Variants in SMIM5 observed in about 807,000 individuals in gnomAD.
SMIM5 encodes small integral membrane protein 5, also known as chromosome 17 open reading frame 109.
A neutral mutation model predicts 4.0 loss-of-function variants in SMIM5; 4 were observed. The observed-to-expected ratio is 1.01, with a 90% CI of 0.50 to 2.30. The LOEUF is 2.30. Among genes scored for constraint, SMIM5 ranks in the 30% most tolerant of loss-of-function variants. SMIM5 has a pLI of 0.02. For missense variants in SMIM5, 107 were observed against 99.2 expected (o/e 1.08, Z -0.34); for synonymous variants, 46 against 43.6 (o/e 1.05, Z -0.22).
At position 75,633,819 on chromosome 17, in the gene SMIM5, T is replaced by C; in HGVS notation, c.-420T>C. 4.0e-6 allele frequency: 4 copies of C among 1,005,764 alleles called. No homozygotes were observed. Among genetic ancestry groups the C allele is most frequent in the Non-Finnish European group, 4.8e-6 (4 of 840,800 alleles). The allele number at this position is 1,005,764 out of a possible 1,614,324, so 62.3% of individuals were successfully genotyped here. Reference sequence around the variant, plus strand: ...CCAGGAAGGCAGAGAGCCGACTTCTTTCTTCAGCTCCCAACCCAGGCCCAG... The same window carrying C: ...CCAGGAAGGCAGAGAGCCGACTTCTCTCTTCAGCTCCCAACCCAGGCCCAG... On this transcript the variant is annotated 5_prime_UTR_variant, in exon 1 of 3. Transcript: ENST00000375215.
rs1344046015 is a variant in SMIM5, at chr17:75,640,243, C to T, written c.42C>T (p.Gly14=). Residue 14 remains glycine, a synonymous_variant, in exon 2 of 3, where the codon GGC becomes GGT. Transcript: ENST00000375215. This position sits in a 1 kb window ranked among gnomAD's most constrained non-coding sequence, Gnocchi z 4.6. The stretch of plus-strand genomic sequence containing the variant: ...TCGTGCAGGAGATGCGCGCCGTGGG[C>T]GAGAGGCTGCTGCTCAAGCTGCAGA... ...TDFVQEMRAV[G]ERLLLKLQRL... is the part of the protein sequence containing the mutation. 38 of 1,551,190 alleles carry T rather than the reference C, an allele frequency of 2.4e-5. No homozygotes were observed. Among genetic ancestry groups the T allele is most frequent in the Non-Finnish European group, 3.0e-5 (34 of 1,146,830 alleles).
Position 75,640,801 on chromosome 17 carries a change from G to T in SMIM5, c.138G>T (p.Leu46=). 1 of 1,550,290 alleles carries T rather than the reference G, an allele frequency of 6.5e-7. No individual in the cohort carries two copies. ...CTCCCGGCCCTCCAGCTACTGTTCT[G>T]CTGTTGCTGCTGATAGCCTGCAGCT... ...SVIILFTATV[L]LLLLIACSCC... Residue 46 remains leucine (L), a synonymous_variant, in exon 3 of 3, where the codon CTG becomes CTT. Transcript: ENST00000375215. This position sits in a 1 kb window ranked among gnomAD's most constrained non-coding sequence, Gnocchi z 4.6.
Position 75,640,302 on chromosome 17 carries a change from C to A in SMIM5, c.101C>A (p.Ala34Asp), listed in dbSNP as rs1243866724. Residue 34 changes from alanine (A) to aspartate (D), a missense_variant, in exon 2 of 3, where the codon GCC becomes GAC. Transcript: ENST00000375215. The surrounding 1 kb of genome is among the most constrained non-coding windows in gnomAD (Gnocchi z 4.6). Reference protein sequence around the residue: ...LPQAEPVEIVAFSVIILFTAT... With the variant: ...LPQAEPVEIVDFSVIILFTAT... ...CAGGCTGAGCCCGTGGAGATCGTGG[C>A]CTTCTCAGTCATCATCCTTTTCACA... 1.3e-6 allele frequency: 2 copies of A among 1,550,144 alleles called. No individual in the cohort carries two copies. The highest frequency in any genetic ancestry group is 1.7e-6 in the Non-Finnish European group (2 of 1,146,362).
chr17:75,640,020 C>T lies in SMIM5; in HGVS notation c.-36-146C>T, dbSNP rs1246482749. 3.7e-6 allele frequency: 3 copies of T among 813,890 alleles called. No individual in the cohort carries two copies. Among genetic ancestry groups the T allele is most frequent in the Non-Finnish European group, 5.5e-6 (3 of 545,286 alleles). 50.4% of individuals were successfully genotyped at this position (813,890 alleles called of 1,614,324 possible). ...GCTGGGTGGGGACTGAGGGCCACCA[C>T]TAGGTGGAAGTCACCAGGGGTGCAA... On this transcript the variant is annotated intron_variant, in intron 1 of 2. Coordinates refer to ENST00000375215, the MANE Select transcript of SMIM5 (RefSeq NM_001162995.3). This position sits in a 1 kb window ranked among gnomAD's most constrained non-coding sequence, Gnocchi z 4.6.
At chr17:75,634,576 T>G (rs1157169509) in intron 1 of SMIM5, among the ~76,000 whole-genome samples, 1 of 152,120 alleles carries the variant, frequency 6.6e-6, no homozygotes, top group Non-Finnish European at 1.5e-5. Flanking sequence ...GAGCCTCCCT[T>G]TTTCCCAGGA....
rs2059427285 is a variant in SMIM5, at chr17:75,641,038, A to G, written c.*141A>G. On this transcript the variant is annotated 3_prime_UTR_variant, in exon 3 of 3. Transcript: ENST00000375215. ...TCTGGCCCAGCCCAGGTACCTGGAC[A>G]CTGACAACTTGAGCCCTACCAAGGA... 4.3e-6 allele frequency: 6 copies of G among 1,405,140 alleles called. No homozygotes were observed. In the African/African-American group the frequency reaches 5.7e-5, roughly 13 times the overall value. 87.0% of individuals were successfully genotyped at this position (1,405,140 alleles called of 1,614,324 possible). A position where few individuals can be genotyped will look rare whatever the true frequency, so the allele number is the denominator to read the frequency against.
In SMIM5 at chr17:75,640,301, G is replaced by A. The variant is rs746869908; in HGVS notation, c.100G>A (p.Ala34Thr). 1.7e-5 allele frequency: 27 copies of A among 1,550,776 alleles called. No individual in the cohort carries two copies. Among genetic ancestry groups the A allele is most frequent in the Non-Finnish European group, 2.3e-5 (26 of 1,146,632 alleles). Reference sequence around the variant, plus strand: ...CCAGGCTGAGCCCGTGGAGATCGTGGCCTTCTCAGTCATCATCCTTTTCAC... The same window carrying A: ...CCAGGCTGAGCCCGTGGAGATCGTGACCTTCTCAGTCATCATCCTTTTCAC... ...LPQAEPVEIV[A>T]FSVIILFTAT... The change falls in exon 2 of 3, where the codon GCC becomes ACC. Residue 34 changes from alanine (A) to threonine (T), a missense_variant. Transcript: ENST00000375215. This position sits in a 1 kb window ranked among gnomAD's most constrained non-coding sequence, Gnocchi z 4.6.
intron 1 of SMIM5, chr17:75,635,736 A>G (rs2059309046): frequency 1.0e-6 from 1 of 953,902 alleles, no homozygotes; most frequent in Admixed American, 6.2e-5. Flanking sequence ...AAGGGTGACT[A>G]AAACCCACCA....
At chr17:75,639,892 C>T (rs912748469) in intron 1 of SMIM5, 28 of 303,252 alleles carry the variant, frequency 9.2e-5, no homozygotes, top group Admixed American at 4.8e-4. Context: ...AATGGAACAG[C>T]GAAGCCAGAA....
intron 1 of SMIM5, chr17:75,637,400 A>C (rs2059344849): frequency 6.6e-6 from 1 of 152,410 alleles, no homozygotes; most frequent in Non-Finnish European, 1.5e-5. Flanking sequence ...AACCACGCGC[A>C]AACTGTCCCG....
Position 75,633,876 on chromosome 17 carries a change from G to A in SMIM5, c.-363G>A, listed in dbSNP as rs1227439483. The A allele has an allele frequency of 2.0e-6, 2 of 993,182 alleles. No individual in the cohort carries two copies. The highest frequency in any genetic ancestry group is 2.4e-6 in the Non-Finnish European group (2 of 834,040). 61.5% of individuals were successfully genotyped at this position (993,182 alleles called of 1,614,324 possible). A position where few individuals can be genotyped will look rare whatever the true frequency, so the allele number is the denominator to read the frequency against. On this transcript the variant is annotated 5_prime_UTR_variant, in exon 1 of 3. Coordinates refer to ENST00000375215, the MANE Select transcript of SMIM5 (RefSeq NM_001162995.3). The stretch of plus-strand genomic sequence containing the variant: ...GCGTGGGAGTCGGGGAGAGGGAGAG[G>A]AGGAGGAAGGAGGAGGAGAGAGGGA...
chr17:75,640,294 G>C lies in SMIM5; in HGVS notation c.93G>C (p.Glu31Asp), dbSNP rs2059411259. 1 of 1,551,128 alleles carries C rather than the reference G, an allele frequency of 6.4e-7. No homozygotes were observed. Among genetic ancestry groups the C allele is most frequent in the Non-Finnish European group, 8.7e-7 (1 of 1,146,708 alleles). ...LQRLPQAEPV[E>D]IVAFSVIILF... ...GACTGCCCCAGGCTGAGCCCGTGGA[G>C]ATCGTGGCCTTCTCAGTCATCATCC... The change falls in exon 2 of 3, where the codon GAG becomes GAC. Residue 31 changes from glutamate (E) to aspartate (D), a missense_variant. Coordinates refer to ENST00000375215, the MANE Select transcript of SMIM5 (RefSeq NM_001162995.3). The surrounding 1 kb of genome is among the most constrained non-coding windows in gnomAD (Gnocchi z 4.6).
rs1411357556 is a variant in SMIM5 at position 75,641,235 on chromosome 17, T to A, written c.*338T>A. ...ACCTTGATGGAGAACAGTCCCCACC[T>A]GTGGGCAATTGGCCCTTGGGGCTCT... is the stretch of plus-strand genomic sequence containing the variant. On this transcript the variant is annotated 3_prime_UTR_variant, in exon 3 of 3. Coordinates refer to ENST00000375215, the MANE Select transcript of SMIM5 (RefSeq NM_001162995.3). The A allele has an allele frequency of 8.3e-6, 2 of 242,080 alleles. No homozygotes were observed. Among genetic ancestry groups the A allele is most frequent in the Non-Finnish European group, 1.7e-5 (2 of 119,668 alleles). 15.0% of individuals were successfully genotyped at this position (242,080 alleles called of 1,614,324 possible).
chr17:75,637,065 C>G (rs892415994), intron 1 of SMIM5: 1 of 152,308 alleles, frequency 6.6e-6, no homozygotes, highest in African/African-American at 2.4e-5. Context: ...CACTTTGCAG[C>G]CCCTGGAGGA....
In SMIM5 at chr17:75,640,345, A is replaced by G. The variant is rs1162858460; in HGVS notation, c.127+17A>G. 6 of 1,535,486 alleles carry G rather than the reference A, an allele frequency of 3.9e-6. No homozygotes were observed. The highest frequency in any genetic ancestry group is 2.5e-5 in the East Asian group (1 of 40,626). ...TTTTCACAGGTTAGTTGGGGCACTC[A>G]GCACCCCATGGCTCTCCCTGGCATC... On this transcript the variant is annotated intron_variant, in intron 2 of 2. Transcript: ENST00000375215. The surrounding 1 kb of genome is among the most constrained non-coding windows in gnomAD (Gnocchi z 4.6).
At chr17:75,634,303 G>C (rs369264874) in intron 1 of SMIM5, 101 bp downstream of exon 1, 2 of 970,838 alleles carry the variant, frequency 2.1e-6, no homozygotes, top group Non-Finnish European at 1.2e-6. Context: ...AACACGGAGA[G>C]GTCTTCGGGG....
At position 75,640,080 on chromosome 17, in the gene SMIM5, C is replaced by T. The variant is rs1028675577; in HGVS notation, c.-36-86C>T. ...CCTGACAAACTTGTTCTGCGGGCTG[C>T]GGATGGGTGCGAGGGTGGAATCTCG... is the stretch of plus-strand genomic sequence containing the variant. On this transcript the variant is annotated intron_variant, in intron 1 of 2. Transcript: ENST00000375215. This position sits in a 1 kb window ranked among gnomAD's most constrained non-coding sequence, Gnocchi z 4.6. 7.4e-6 allele frequency: 10 copies of T among 1,347,936 alleles called. No homozygotes were observed. The highest frequency in any genetic ancestry group is 1.5e-5 in the South Asian group (1 of 65,306). The allele number at this position is 1,347,936 out of a possible 1,614,324, so 83.5% of individuals were successfully genotyped here.
rs2059426548 is a variant in SMIM5 at position 75,640,985 on chromosome 17, C to T, written c.*88C>T. On this transcript the variant is annotated 3_prime_UTR_variant, in exon 3 of 3. Coordinates refer to ENST00000375215, the MANE Select transcript of SMIM5 (RefSeq NM_001162995.3). This position sits in a 1 kb window ranked among gnomAD's most constrained non-coding sequence, Gnocchi z 4.6. The stretch of plus-strand genomic sequence containing the variant: ...CAGCCTGGCCCTGCAGCCCTTACCC[C>T]TCAAGACCAGGCTCCCCTGGCCCCA... 4.7e-6 allele frequency: 7 copies of T among 1,501,978 alleles called. No individual in the cohort carries two copies. In the East Asian group the frequency reaches 1.5e-4, roughly 32 times the overall value. 93.0% of individuals were successfully genotyped at this position (1,501,978 alleles called of 1,614,324 possible). A position where few individuals can be genotyped will look rare whatever the true frequency, so the allele number is the denominator to read the frequency against.
In SMIM5 at chr17:75,636,695, C is replaced by T. The variant is rs1322999701; in HGVS notation, c.-37+2493C>T. On this transcript the variant is annotated intron_variant, in intron 1 of 2. Transcript: ENST00000375215. The surrounding 1 kb of genome is among the most constrained non-coding windows in gnomAD (Gnocchi z 5.4). ...TTTAGAGAACAGGACCCCTCAGCTC[C>T]CCCACCTGCGCCATGAAGGTTCAGT... 1 of 152,326 alleles carries T rather than the reference C, an allele frequency of 6.6e-6. No homozygotes were observed. The highest frequency in any genetic ancestry group is 1.5e-5 in the Non-Finnish European group (1 of 68,124). 9.4% of individuals were successfully genotyped at this position (152,326 alleles called of 1,614,324 possible).
Sources: gnomAD v4.1 joint callset for allele counts (sites outside exome capture counted in the v4.1 genomes callset) on GRCh38, gnomAD v4.1.1 for gene constraint, Gnocchi (gnomAD v3.1) non-coding constraint, MANE v1.5 for transcripts, NCBI Gene and HGNC (gene_info 2026-07-23, HGNC 2026-07-21) for gene names.